PLCH1: variants seen among roughly 807,000 people sequenced by gnomAD.
PLCH1 encodes the protein phospholipase C eta 1, also known as 1-phosphatidylinositol 4,5-bisphosphate phosphodiesterase eta-1.
Under a neutral mutation model 126.7 loss-of-function variants are expected in PLCH1, and 60 were observed. The ratio of observed to expected loss-of-function variants is 0.47; its 90% confidence interval spans 0.38 to 0.59. The LOEUF (loss-of-function observed/expected upper bound fraction) is 0.59, where lower values mean the gene tolerates loss of function less well. PLCH1 is among the 20% of genes least tolerant of loss of function. The probability of loss-of-function intolerance (pLI) is 0.00; values close to 1 mark genes in which losing one functional copy is unlikely to be tolerated. For synonymous variants in PLCH1, 719 were observed against 734.9 expected (o/e 0.98, Z 0.35); for missense variants, 1,723 against 2,040.0 (o/e 0.84, Z 2.99).
At chr3:155,525,559 TA>T (rs957916397) in intron 10 of PLCH1, among the ~76,000 whole-genome samples, 8 of 152,202 alleles carry the variant, frequency 5.3e-5, no homozygotes, top group African/African-American at 1.4e-4. Flanking sequence ...ACAAGCATGC[TA>T]ATATCCCTCA....
chr3:155,719,347 C>T (rs902198769), intron 1 of PLCH1, among the ~76,000 whole-genome samples: 1 of 151,770 alleles, frequency 6.6e-6, no homozygotes, highest in African/African-American at 2.4e-5. Flanking sequence ...AGGGGAACAT[C>T]ACACACCGGG....
At chr3:155,663,708 CAGCTACTA>C (rs1232828208) in intron 2 of PLCH1, among the ~76,000 whole-genome samples, 1 of 152,144 alleles carries the variant, frequency 6.6e-6, no homozygotes, top group Non-Finnish European at 1.5e-5. Context: ...AGATGCATAA[CAGCTACTA>C]AGCAGTCAAT....
At chr3:155,458,499 AGAAAGAAGAGAGAGAAAT>A (rs1336670143) in intron 21 of PLCH1, among the ~76,000 whole-genome samples, 10 of 60,442 alleles carry the variant, frequency 1.7e-4, no homozygotes, top group African/African-American at 4.7e-4. Flanking sequence ...AGAAAGAAAG[AGAAAGAAGAGAGAGAAAT>A]AAGAAAGAGA....
At chr3:155,630,762 G>A (rs1032643110) in intron 2 of PLCH1, among the ~76,000 whole-genome samples, 1 of 152,132 alleles carries the variant, frequency 6.6e-6, no homozygotes, top group African/African-American at 2.4e-5. Context: ...AGAGGGTTAA[G>A]GATAATTCAT....
chr3:155,497,605 T>A (rs957259024), intron 14 of PLCH1, among the ~76,000 whole-genome samples, 188 bp from the exon 15 acceptor site: 2 of 152,238 alleles, frequency 1.3e-5, no homozygotes, highest in African/African-American at 4.8e-5. Context: ...AAAATCCTAC[T>A]ACAGTAGTCC....
At chr3:155,541,495 T>C (rs1724224619) in intron 10 of PLCH1, among the ~76,000 whole-genome samples, 1 of 152,118 alleles carries the variant, frequency 6.6e-6, no homozygotes, top group African/African-American at 2.4e-5. Context: ...TGTTATGTCT[T>C]AGGAAACAGG....
intron 10 of PLCH1, among the ~76,000 whole-genome samples, chr3:155,541,665 T>C (rs1724252155): frequency 1.3e-5 from 2 of 151,934 alleles, no homozygotes; most frequent in African/African-American, 4.8e-5. Context: ...CGATCACAGA[T>C]CACCACAACA....
intron 21 of PLCH1, among the ~76,000 whole-genome samples, chr3:155,451,486 G>T (rs1712306476): frequency 6.6e-6 from 1 of 152,160 alleles, no homozygotes; most frequent in Non-Finnish European, 1.5e-5. Flanking sequence ...CAACTTAACA[G>T]GGCCATGTAG....
intron 1 of PLCH1, among the ~76,000 whole-genome samples, chr3:155,712,590 A>G (rs1005837047): frequency 6.6e-6 from 1 of 152,166 alleles, no homozygotes; most frequent in African/African-American, 2.4e-5. Flanking sequence ...GATAACTTTA[A>G]TTAGCCAGGA....
chr3:155,620,495 T>C (rs1428386469), intron 2 of PLCH1, among the ~76,000 whole-genome samples: 1 of 151,976 alleles, frequency 6.6e-6, no homozygotes, highest in Non-Finnish European at 1.5e-5. Flanking sequence ...GTGTCAGGGA[T>C]GGATTGAAAG....
intron 21 of PLCH1, among the ~76,000 whole-genome samples, chr3:155,464,646 G>A (rs944486786): frequency 3.9e-5 from 6 of 151,932 alleles, no homozygotes; most frequent in East Asian, 3.9e-4. Flanking sequence ...CCTTGTGACC[G>A]AATGAGTCCC....
At chr3:155,651,335 C>G (rs1223668176) in intron 2 of PLCH1, among the ~76,000 whole-genome samples, 1 of 152,004 alleles carries the variant, frequency 6.6e-6, no homozygotes, top group African/African-American at 2.4e-5. Context: ...AATCATGGTA[C>G]AGTCATGGTA....
intron 10 of PLCH1, among the ~76,000 whole-genome samples, chr3:155,542,843 A>C (rs1280679033): frequency 6.6e-6 from 1 of 152,178 alleles, no homozygotes; most frequent in Non-Finnish European, 1.5e-5. Context: ...TGTTAGAAGG[A>C]AAACTAACAA....
rs1430674362 is a variant in PLCH1, at chr3:155,687,573, T to C, written c.79+16573A>G. 5.3e-5 allele frequency among the ~76,000 whole-genome samples: 8 copies of C among 152,168 alleles called. 1 individual carries two copies. In the East Asian group the frequency reaches 1.5e-3, roughly 29 times the overall value. ...GATTTATATAATTTAGGAGAAATGG[T>C]AAGGGATAAGGAAGCAAAAATATAA... On this transcript the variant is annotated intron_variant, in intron 2 of 22. Transcript: ENST00000460012.
At chr3:155,724,706 A>G (rs549424868) in intron 1 of PLCH1, among the ~76,000 whole-genome samples, 1 of 152,152 alleles carries the variant, frequency 6.6e-6, no homozygotes, top group East Asian at 1.9e-4. Flanking sequence ...GCCATTCTGT[A>G]TATTTTAAGT....
chr3:155,495,356 A>G (rs1008719065), intron 15 of PLCH1, among the ~76,000 whole-genome samples: 3 of 152,138 alleles, frequency 2.0e-5, no homozygotes, highest in African/African-American at 7.2e-5. Context: ...CTTGTCTCCA[A>G]TCCCACCTTT....
intron 21 of PLCH1, among the ~76,000 whole-genome samples, chr3:155,463,769 C>T (rs982080129): frequency 6.6e-5 from 10 of 151,980 alleles, no homozygotes; most frequent in African/African-American, 2.4e-4. Context: ...GGATGGAAAC[C>T]GAGAAATGAG....
At chr3:155,651,064 A>G (rs1387297063) in intron 2 of PLCH1, among the ~76,000 whole-genome samples, 4 of 152,208 alleles carry the variant, frequency 2.6e-5, no homozygotes, top group Non-Finnish European at 5.9e-5. Flanking sequence ...AGATTTAAAC[A>G]ATAATATTCA....
At chr3:155,586,387 A>C (rs145734371) in intron 4 of PLCH1, among the ~76,000 whole-genome samples, 193 bp from the exon 5 acceptor site, 1 of 152,284 alleles carries the variant, frequency 6.6e-6, no homozygotes, top group East Asian at 1.9e-4. Context: ...CAAACCAGGA[A>C]TGGAAGGGAA....
Sources: allele counts gnomAD v4.1 joint callset (sites outside exome capture counted in the v4.1 genomes callset), GRCh38; gene constraint gnomAD v4.1.1; transcripts MANE v1.5; gene names NCBI Gene and HGNC (gene_info 2026-07-23, HGNC 2026-07-21).